ARHGEF12: variants seen among roughly 807,000 people sequenced by gnomAD.
ARHGEF12 encodes the protein Rho guanine nucleotide exchange factor 12, also known as KMT2A/ARHGEF12 fusion protein.
A neutral mutation model predicts 211.2 loss-of-function variants in ARHGEF12; 66 were observed. The observed-to-expected ratio is 0.31, with a 90% confidence interval of 0.26 to 0.38. The LOEUF (loss-of-function observed/expected upper bound fraction) is 0.38, where lower values mean the gene tolerates loss of function less well. ARHGEF12 is among the 10% of genes least tolerant of loss of function. The pLI is 1.00. For synonymous variants in ARHGEF12, 592 were observed against 638.4 expected, an observed-to-expected ratio of 0.93 and a Z score of 1.09; for missense variants, 1,429 against 1,869.5, an observed-to-expected ratio of 0.76 and a Z score of 4.34.
In ARHGEF12 at chr11:120,482,795, A is replaced by G. The variant is rs554569023; in HGVS notation, c.4554+1219A>G. On this transcript the variant is annotated intron_variant, in intron 39 of 40. Coordinates refer to ENST00000397843, the MANE Select transcript of ARHGEF12 (RefSeq NM_015313.3). The stretch of plus-strand genomic sequence containing the variant: ...CAGAAAACACAGCTTCCAGAGCCCA[A>G]ACATTTTCCTCATGACATCATTTAC... 9.1e-4 allele frequency among the ~76,000 whole-genome samples: 138 copies of G among 152,266 alleles called. No individual in the cohort carries two copies. In the Middle Eastern group the frequency reaches 0.01, roughly 11 times the overall value.
At chr11:120,428,819 T>C (rs948605704) in intron 8 of ARHGEF12, among the ~76,000 whole-genome samples, 1 of 152,100 alleles carries the variant, frequency 6.6e-6, no homozygotes, top group Non-Finnish European at 1.5e-5. Context: ...GGATTTTTGG[T>C]TGGTTGGTGC....
chr11:120,430,478 G>A (rs1396496787), intron 10 of ARHGEF12, among the ~76,000 whole-genome samples: 1 of 151,944 alleles, frequency 6.6e-6, no homozygotes, highest in East Asian at 1.9e-4. Flanking sequence ...TTGCTGTATA[G>A]TTATAAGCTA....
At chr11:120,420,428 C>G (rs10892575) in intron 4 of ARHGEF12, among the ~76,000 whole-genome samples, 30,697 of 152,076 alleles carry the variant, frequency 0.2, 3,349 homozygotes, top group African/African-American at 0.26. Context: ...TTTTTTACTA[C>G]AGAGAAATAG....
At chr11:120,390,467 T>C (rs938347077) in intron 1 of ARHGEF12, among the ~76,000 whole-genome samples, 1 of 152,204 alleles carries the variant, frequency 6.6e-6, no homozygotes, top group Non-Finnish European at 1.5e-5. Context: ...GAGACATGTT[T>C]CTCTTTAAAT....
At chr11:120,348,494 A>G (rs898782790) in intron 1 of ARHGEF12, among the ~76,000 whole-genome samples, 6 of 152,226 alleles carry the variant, frequency 3.9e-5, no homozygotes, top group Non-Finnish European at 5.9e-5. Flanking sequence ...ACGTAAGTAC[A>G]TAATACAAAC....
intron 1 of ARHGEF12, among the ~76,000 whole-genome samples, chr11:120,388,368 T>A (rs1944103903): frequency 6.6e-6 from 1 of 152,208 alleles, no homozygotes; most frequent in Non-Finnish European, 1.5e-5. Flanking sequence ...TCCATTCAGC[T>A]GTTGATGGGC....
intron 4 of ARHGEF12, chr11:120,411,085 A>G (rs1944867463): frequency 6.6e-6 from 1 of 152,226 alleles, no homozygotes; most frequent in African/African-American, 2.4e-5. Context: ...TAGCAGTGAT[A>G]GAAACATTAA....
intron 1 of ARHGEF12, among the ~76,000 whole-genome samples, chr11:120,371,357 G>T (rs578066153): frequency 2.6e-5 from 4 of 152,224 alleles, no homozygotes; most frequent in East Asian, 1.9e-4. Context: ...GTGTGCTGGC[G>T]CATGCCTGTA....
intron 27 of ARHGEF12, chr11:120,465,019 AAAAG>A (rs1342719188): frequency 4.3e-5 from 24 of 560,904 alleles, no homozygotes; most frequent in Non-Finnish European, 6.0e-5. Context: ...AAAGAAAAAA[AAAAG>A]AAGAAGAAAA....
At chr11:120,351,865 A>G (rs1305127780) in intron 1 of ARHGEF12, among the ~76,000 whole-genome samples, 4 of 152,058 alleles carry the variant, frequency 2.6e-5, no homozygotes, top group African/African-American at 9.7e-5. Flanking sequence ...TAAGCTAAAT[A>G]CTGTTGTCCC....
At chr11:120,479,281 A>T (rs1049051464) in intron 37 of ARHGEF12, among the ~76,000 whole-genome samples, 2 of 152,206 alleles carry the variant, frequency 1.3e-5, no homozygotes, top group Non-Finnish European at 2.9e-5. Flanking sequence ...CTAAAGAAAC[A>T]TGACAGACAT....
At chr11:120,379,854 TG>T (rs1464084865) in intron 1 of ARHGEF12, among the ~76,000 whole-genome samples, 1 of 152,174 alleles carries the variant, frequency 6.6e-6, no homozygotes, top group Non-Finnish European at 1.5e-5. Flanking sequence ...TTGATAGATT[TG>T]GTTTACTAAT....
intron 6 of ARHGEF12, among the ~76,000 whole-genome samples, chr11:120,423,638 ATGTTTATG>A (rs2135687871): frequency 6.6e-6 from 1 of 152,200 alleles, no homozygotes; most frequent in African/African-American, 2.4e-5. Context: ...GTAATGTATA[ATGTTTATG>A]TGTCTCTTTG....
chr11:120,442,784 G>T (rs981523858), intron 15 of ARHGEF12, among the ~76,000 whole-genome samples: 2 of 151,772 alleles, frequency 1.3e-5, no homozygotes, highest in African/African-American at 2.4e-5. Context: ...TAATCATGCC[G>T]CAGGTCCCTA....
chr11:120,437,634 A>G (rs1018322794), intron 12 of ARHGEF12, among the ~76,000 whole-genome samples: 1 of 152,196 alleles, frequency 6.6e-6, no homozygotes, highest in Non-Finnish European at 1.5e-5. Context: ...TTTTAAGTGT[A>G]TAGTGGCATT....
Position 120,336,648 on chromosome 11 carries a change from C to T in ARHGEF12, c.-596C>T, listed in dbSNP as rs1217738396. ...GGCCGCGGGACCTCTCCGCCGGCGC[C>T]AGCGGCTCGTCCCAGCACCGGGAGC... On this transcript the variant is annotated 5_prime_UTR_variant, in exon 1 of 41. Transcript: ENST00000397843. 6.6e-6 allele frequency among the ~76,000 whole-genome samples: 1 copy of T among 152,054 alleles called. No homozygotes were observed. Among genetic ancestry groups the T allele is most frequent in the Non-Finnish European group, 1.5e-5 (1 of 67,970 alleles).
intron 1 of ARHGEF12, among the ~76,000 whole-genome samples, chr11:120,400,319 A>G (rs1050054805): frequency 1.6e-4 from 24 of 152,180 alleles, no homozygotes; most frequent in Non-Finnish European, 3.1e-4. Context: ...CCCCTGTTTT[A>G]TAAGTAATGA....
At chr11:120,468,860 G>A (rs933399873) in intron 29 of ARHGEF12, among the ~76,000 whole-genome samples, 5 of 152,104 alleles carry the variant, frequency 3.3e-5, no homozygotes, top group African/African-American at 9.7e-5. Context: ...TTTGAATTGT[G>A]TTATTAAAAA....
chr11:120,431,128 A>G (rs1404954102), intron 10 of ARHGEF12, among the ~76,000 whole-genome samples: 1 of 152,002 alleles, frequency 6.6e-6, no homozygotes, highest in Non-Finnish European at 1.5e-5. Context: ...CGACTCTACT[A>G]AAAATAAAAA....
Sources: gnomAD v4.1 joint callset for allele counts (sites outside exome capture counted in the v4.1 genomes callset) on GRCh38, gnomAD v4.1.1 for gene constraint, MANE v1.5 for transcripts, NCBI Gene and HGNC (gene_info 2026-07-23, HGNC 2026-07-21) for gene names.